TCF3: variants seen among roughly 807,000 people sequenced by gnomAD.
TCF3 encodes the protein transcription factor E2-alpha.
Under a neutral mutation model 72.3 loss-of-function variants are expected in TCF3, and 54 were observed. That is an observed-to-expected ratio of 0.75 (90% CI 0.60 to 0.94). The LOEUF (loss-of-function observed/expected upper bound fraction) is 0.94. TCF3 is among the 40% of genes least tolerant of loss of function. The pLI is 0.00. For missense variants in TCF3, 1,078 were observed against 934.4 expected (o/e 1.15, Z -2.00); for synonymous variants, 525 against 412.6 (o/e 1.27, Z -3.30).
At chr19:1,613,535 G>C (rs904140099) in intron 18 of TCF3, among the ~76,000 whole-genome samples, 20 of 152,260 alleles carry the variant, frequency 1.3e-4, no homozygotes, top group African/African-American at 4.8e-4. Flanking sequence ...TCCCTGCTCA[G>C]AGCAGCCACT....
chr19:1,625,799 C>A (rs1373668677), intron 6 of TCF3, 91 bp from the exon 7 acceptor site: 3 of 1,394,590 alleles, frequency 2.2e-6, no homozygotes, highest in Non-Finnish European at 2.8e-6. Flanking sequence ...GCCGAAGCCA[C>A]TCAGACCCGC....
chr19:1,627,380 T>A lies in TCF3; in HGVS notation c.345A>T (p.Ala115=). The part of the protein sequence containing the change: ...RGAYASFGRD[A]GVGGLTQAGF... The stretch of plus-strand genomic sequence containing the variant: ...TCACCTGAGTCAGGCCGCCCACGCC[T>A]GCGTCTCTCCCGAAGGAGGCATAGG... Residue 115 remains alanine, a synonymous_variant, in exon 6 of 19, where the codon GCA becomes GCT. Transcript: ENST00000262965. 6.2e-7 allele frequency: 1 copy of A among 1,611,344 alleles called. No individual in the cohort carries two copies.
intron 5 of TCF3, among the ~76,000 whole-genome samples, chr19:1,629,690 C>T (rs2063462634): frequency 6.6e-6 from 1 of 152,190 alleles, no homozygotes; most frequent in Admixed American, 6.5e-5. Context: ...CACTTAAATC[C>T]CCTTCTGGCT....
intron 3 of TCF3, among the ~76,000 whole-genome samples, chr19:1,633,451 T>TG (rs2063968791): frequency 6.6e-6 from 1 of 151,832 alleles, no homozygotes; most frequent in African/African-American, 2.4e-5. Flanking sequence ...TTCTGCAGGC[T>TG]CCCCCGCCCC....
At position 1,652,287 on chromosome 19, in the gene TCF3, C is replaced by A. The variant is rs1380007553; in HGVS notation, c.-40+13G>T. ...GGGTACCGGGCGCGCCCCCCGCCCC[C>A]CGCCGGGCTCACCTGCTGGGCGCGG... On this transcript the variant is annotated intron_variant, in intron 1 of 18. Coordinates refer to ENST00000262965, the MANE Select transcript of TCF3 (RefSeq NM_003200.5). The A allele has an allele frequency of 1.4e-5, 2 of 146,464 alleles. No individual in the cohort carries two copies. The highest frequency in any genetic ancestry group is 3.0e-5 in the Non-Finnish European group (2 of 65,704). The allele number at this position is 146,464 out of a possible 1,614,324, so 9.1% of individuals were successfully genotyped here.
Position 1,625,572 on chromosome 19 carries a change from T to C in TCF3, c.499+4A>G. Reference sequence around the variant, plus strand: ...CCCCGATGCCCCGGCCAGACCCCGCTCACCTAGGCTGCCGTCTGCCGCTCT... The same window carrying C: ...CCCCGATGCCCCGGCCAGACCCCGCCCACCTAGGCTGCCGTCTGCCGCTCT... On this transcript the variant is annotated splice_donor_region_variant and intron_variant, in intron 7 of 18. Coordinates refer to ENST00000262965, the MANE Select transcript of TCF3 (RefSeq NM_003200.5). 6.3e-7 allele frequency: 1 copy of C among 1,578,730 alleles called. No homozygotes were observed. Among genetic ancestry groups the C allele is most frequent in the Non-Finnish European group, 8.6e-7 (1 of 1,166,110 alleles).
At position 1,644,573 on chromosome 19, in the gene TCF3, C is replaced by T. The variant is rs376779478; in HGVS notation, c.145+1782G>A. Among the ~76,000 whole-genome samples the T allele has an allele frequency of 7.2e-5, 11 of 152,300 alleles. No homozygotes were observed. The East Asian group carries it at 1.2e-3, about 16-fold the overall frequency. On this transcript the variant is annotated intron_variant, in intron 3 of 18. Coordinates refer to ENST00000262965, the MANE Select transcript of TCF3 (RefSeq NM_003200.5). ...CCAACCTGCAGCATTGGGGCAGGGCCGGAGCACAGGGCGAGACTCTGTGGG... is the reference window on the plus strand; with the variant it reads ...CCAACCTGCAGCATTGGGGCAGGGCTGGAGCACAGGGCGAGACTCTGTGGG...
Position 1,627,370 on chromosome 19 carries a change from C to T in TCF3, c.355G>A (p.Gly119Ser), listed in dbSNP as rs35936626. The T allele has an allele frequency of 4.6e-4, 742 of 1,610,228 alleles. 3 individuals are homozygous for T. In the African/African-American group the frequency reaches 8.0e-3, roughly 17 times the overall value. ...ASFGRDAGVG[G>S]LTQAGFLSGE... ...CCCGAGCCCCTCACCTGAGTCAGGCCGCCCACGCCTGCGTCTCTCCCGAAG... is the reference window on the plus strand; with the variant it reads ...CCCGAGCCCCTCACCTGAGTCAGGCTGCCCACGCCTGCGTCTCTCCCGAAG... Residue 119 changes from glycine (G) to serine (S), a missense_variant, in exon 6 of 19, where the codon GGC becomes AGC. Gly to Ser is a moderately conservative substitution (Grantham distance 56, BLOSUM62 0). Coordinates refer to ENST00000262965, the MANE Select transcript of TCF3 (RefSeq NM_003200.5).
In TCF3 at chr19:1,619,867, G is replaced by T. The variant is rs1487887803; in HGVS notation, c.1094-14C>A. 6.4e-7 allele frequency: 1 copy of T among 1,571,424 alleles called. No individual in the cohort carries two copies. The highest frequency in any genetic ancestry group is 8.6e-7 in the Non-Finnish European group (1 of 1,159,154). ...ACTGTGACGTTCCTGGAAGGGAGTG[G>T]GGACGTGAATGGGGTGCGAGGGGCG... On this transcript the variant is annotated splice_polypyrimidine_tract_variant and intron_variant, in intron 13 of 18. Coordinates refer to ENST00000262965, the MANE Select transcript of TCF3 (RefSeq NM_003200.5).
intron 2 of TCF3, among the ~76,000 whole-genome samples, chr19:1,647,640 C>G (rs1313029552): frequency 6.6e-6 from 1 of 152,240 alleles, no homozygotes; most frequent in African/African-American, 2.4e-5. Flanking sequence ...CCAGCCTCCC[C>G]TGGACCCAGA....
intron 16 of TCF3, chr19:1,616,545 C>G (rs972953382): frequency 2.6e-5 from 4 of 152,050 alleles, no homozygotes; most frequent in Non-Finnish European, 4.4e-5. Flanking sequence ...AGATGCTATG[C>G]TAATCTTTAT....
intron 2 of TCF3, among the ~76,000 whole-genome samples, chr19:1,648,377 G>A (rs1349460727): frequency 1.3e-5 from 2 of 152,164 alleles, no homozygotes; most frequent in East Asian, 1.9e-4. Context: ...GAGAGGACGG[G>A]CACCTCGCCG....
chr19:1,623,889 G>GGT, intron 8 of TCF3, 62 bp downstream of exon 8: 1 of 1,556,080 alleles, frequency 6.4e-7, no homozygotes, highest in Non-Finnish European at 8.8e-7. Context: ...GCTTCGCCAG[G>GGT]ACACAGGGCC....
At chr19:1,627,238 T>G in intron 6 of TCF3, 121 bp downstream of exon 6, 15 of 253,508 alleles carry the variant, frequency 5.9e-5, no homozygotes, top group South Asian at 1.5e-4. Context: ...CCCAGCCTGG[T>G]TTCGCTATCA....
At chr19:1,651,938 G>T (rs1410426681) in intron 1 of TCF3, among the ~76,000 whole-genome samples, 1 of 150,900 alleles carries the variant, frequency 6.6e-6, no homozygotes, top group African/African-American at 2.4e-5. Context: ...ACCCGAGAAA[G>T]GGGGCGCCCC....
intron 3 of TCF3, among the ~76,000 whole-genome samples, chr19:1,633,095 G>C (rs544843398): frequency 1.3e-5 from 2 of 152,218 alleles, no homozygotes; most frequent in Non-Finnish European, 2.9e-5. Flanking sequence ...GTCCCGGGGC[G>C]GGGCGGGCGG....
At chr19:1,629,005 CGGGGGTG>C (rs2063331955) in intron 5 of TCF3, among the ~76,000 whole-genome samples, 1 of 46,320 alleles carries the variant, frequency 2.2e-5, no homozygotes, top group Admixed American at 2.1e-4. Flanking sequence ...GCAGAGCTCA[CGGGGGTG>C]AGGCGGGAAG....
chr19:1,641,236 C>G lies in TCF3; in HGVS notation c.145+5119G>C, dbSNP rs951342855. Among the ~76,000 whole-genome samples, 8 of 151,846 alleles carry G rather than the reference C, an allele frequency of 5.3e-5. 1 individual carries two copies. In the East Asian group the frequency reaches 7.7e-4, roughly 15 times the overall value. ...GATACAGCCAACAGCTTGGCTGGAT[C>G]TCCAGGGAATTATGCTAACGTAACA... is the stretch of plus-strand genomic sequence containing the variant. On this transcript the variant is annotated intron_variant, in intron 3 of 18. Coordinates refer to ENST00000262965, the MANE Select transcript of TCF3 (RefSeq NM_003200.5).
chr19:1,631,861 G>A, intron 5 of TCF3, 177 bp downstream of exon 5: 1 of 1,491,910 alleles, frequency 6.7e-7, no homozygotes, highest in Non-Finnish European at 9.0e-7. Flanking sequence ...GGGAGTCCGG[G>A]CCACGTCCCC....
Sources: allele counts gnomAD v4.1 joint callset (sites outside exome capture counted in the v4.1 genomes callset), GRCh38; gene constraint gnomAD v4.1.1; transcripts MANE v1.5; gene names NCBI Gene and HGNC (gene_info 2026-07-23, HGNC 2026-07-21).